ZNF341: variants seen among roughly 807,000 people sequenced by gnomAD.
The protein encoded by ZNF341 is zinc finger protein 341.
ZNF341 carries 52 observed loss-of-function variants against 87.7 expected under a neutral mutation model. The observed-to-expected ratio is 0.59, with a 90% CI of 0.47 to 0.75. ZNF341 has a LOEUF of 0.75. Ranked by LOEUF, ZNF341 falls within the 30% of genes least tolerant of loss-of-function variation. ZNF341 has a pLI of 0.00. For missense variants in ZNF341, 977 were observed against 1,145.9 expected, an observed-to-expected ratio of 0.85 and a Z score of 2.13; for synonymous variants, 459 against 472.7, an observed-to-expected ratio of 0.97 and a Z score of 0.38.
intron 11 of ZNF341, among the ~76,000 whole-genome samples, chr20:33,781,739 C>G (rs191083822): frequency 4.5e-4 from 68 of 151,350 alleles, no homozygotes; most frequent in Middle Eastern, 6.8e-3. Context: ...TACTCTGTCA[C>G]CAGGCTAGTG....
chr20:33,733,446 C>G (rs2122617478), intron 1 of ZNF341, among the ~76,000 whole-genome samples: 1 of 151,304 alleles, frequency 6.6e-6, no homozygotes, highest in African/African-American at 2.4e-5. Flanking sequence ...ACCGTGTTAG[C>G]GAGCATGGAC....
At chr20:33,747,063 C>T (rs891480752) in intron 3 of ZNF341, among the ~76,000 whole-genome samples, 7 of 151,906 alleles carry the variant, frequency 4.6e-5, no homozygotes, top group Non-Finnish European at 7.4e-5. Context: ...AGTCCTCAGC[C>T]GAAAACACGG....
In ZNF341 at chr20:33,748,936, T is replaced by C. The variant is rs1224142104; in HGVS notation, c.353T>C (p.Ile118Thr). The change falls in exon 4 of 15, where the codon ATC (isoleucine) becomes ACC (threonine). Residue 118 changes from isoleucine (I) to threonine (T), a missense_variant. Transcript: ENST00000375200. ...CCCACTGTCCAGATCTCCACATACA[T>C]CACAGTGCCCCCGTCCCCACTGATC... ...TPANRQISTY[I>T]TVPPSPLIQT... The C allele has an allele frequency of 6.2e-7, 1 of 1,613,454 alleles. No individual in the cohort carries two copies. Among genetic ancestry groups the C allele is most frequent in the Admixed American group, 1.7e-5 (1 of 59,976 alleles).
At chr20:33,777,756 A>G (rs2019658357) in intron 10 of ZNF341, among the ~76,000 whole-genome samples, 7 of 152,056 alleles carry the variant, frequency 4.6e-5, no homozygotes, top group Admixed American at 4.6e-4. Flanking sequence ...AGAGAAAAAG[A>G]AAAAAAAGGT....
chr20:33,745,098 C>T lies in ZNF341; in HGVS notation c.143-5C>T, dbSNP rs1424100643. On this transcript the variant is annotated splice_region_variant and splice_polypyrimidine_tract_variant and intron_variant, in intron 2 of 14. Transcript: ENST00000375200. ...CTTCCCACTACTCTGCGGGTATGAC[C>T]CCAGATGACGAGGATGTATTTCTCT... is the stretch of plus-strand genomic sequence containing the variant. The T allele has an allele frequency of 1.9e-6, 3 of 1,607,668 alleles. No individual in the cohort carries two copies. Among genetic ancestry groups the T allele is most frequent in the Non-Finnish European group, 2.6e-6 (3 of 1,174,694 alleles).
At chr20:33,764,622 G>A (rs1320200101) in intron 8 of ZNF341, among the ~76,000 whole-genome samples, 1 of 131,284 alleles carries the variant, frequency 7.6e-6, no homozygotes, top group African/African-American at 2.8e-5. Context: ...GCCCAGGCTG[G>A]AGTGCAGTGG....
chr20:33,769,988 T>TG lies in ZNF341; in HGVS notation c.1414-96_1414-95insG, dbSNP rs2019491378. ...GGCAGAGGGAGCAGTGGTCAGATCA[T>TG]TTACCATCAGTGTCCAAGGCCAATG... On this transcript the variant is annotated intron_variant, in intron 9 of 14. Coordinates refer to ENST00000375200, the MANE Select transcript of ZNF341 (RefSeq NM_001282933.2). 30 of 773,994 alleles carry TG rather than the reference T, an allele frequency of 3.9e-5. No individual in the cohort carries two copies. In the Middle Eastern group the frequency reaches 1.4e-3, roughly 37 times the overall value. The allele number at this position is 773,994 out of a possible 1,614,324, so 47.9% of individuals were successfully genotyped here.
At chr20:33,743,829 T>C (rs2018860734) in intron 2 of ZNF341, among the ~76,000 whole-genome samples, 1 of 152,194 alleles carries the variant, frequency 6.6e-6, no homozygotes, top group Admixed American at 6.6e-5. Flanking sequence ...TCAACAAACG[T>C]CCATTGAGAA....
chr20:33,733,335 T>G (rs1337166846), intron 1 of ZNF341, among the ~76,000 whole-genome samples: 4 of 151,722 alleles, frequency 2.6e-5, no homozygotes, highest in Non-Finnish European at 1.5e-5. Context: ...TTCTTCTGCT[T>G]CTTCTGCCTC....
intron 1 of ZNF341, among the ~76,000 whole-genome samples, chr20:33,733,736 C>G (rs1414854242): frequency 6.6e-6 from 1 of 152,178 alleles, no homozygotes; most frequent in Admixed American, 6.5e-5. Context: ...AGCCCTGTCT[C>G]CATCTAGTGG....
intron 6 of ZNF341, 30 bp downstream of exon 6, chr20:33,757,373 T>C (rs752169991): frequency 3.5e-6 from 5 of 1,449,256 alleles, no homozygotes; most frequent in African/African-American, 1.5e-5. Flanking sequence ...TGGGCATCTT[T>C]CCTCAACATT....
At position 33,783,812 on chromosome 20, in the gene ZNF341, G is replaced by A; in HGVS notation, c.1800G>A (p.Lys600=). The A allele has an allele frequency of 3.1e-6, 5 of 1,613,772 alleles. No homozygotes were observed. The highest frequency in any genetic ancestry group is 4.2e-6 in the Non-Finnish European group (5 of 1,179,830). ...GCAGGTTCAAGTGCCAAGTGTGCAA[G>A]AAGTTCTTCCGGCGGGAGCATTATC... The part of the protein sequence containing the change: ...SGGRFKCQVC[K]KFFRREHYLK... The change falls in exon 12 of 15, where the codon AAG becomes AAA. Residue 600 remains lysine, a synonymous_variant. Coordinates refer to ENST00000375200, the MANE Select transcript of ZNF341 (RefSeq NM_001282933.2).
At chr20:33,789,872 G>C (rs1404400009) in intron 14 of ZNF341, among the ~76,000 whole-genome samples, 1 of 151,328 alleles carries the variant, frequency 6.6e-6, no homozygotes, top group African/African-American at 2.4e-5. Context: ...AGGTGTGGAC[G>C]AGGTGTGGAG....
intron 10 of ZNF341, among the ~76,000 whole-genome samples, chr20:33,779,017 T>G (rs1262267178): frequency 6.6e-6 from 1 of 152,142 alleles, no homozygotes; most frequent in Non-Finnish European, 1.5e-5. Context: ...AGGCCATTCT[T>G]GCACTGCTAT....
At chr20:33,789,613 G>C (rs1279407469) in intron 14 of ZNF341, 25 bp downstream of exon 14, 2 of 1,613,338 alleles carry the variant, frequency 1.2e-6, no homozygotes, top group African/African-American at 2.7e-5. Context: ...GGCCTGCTAA[G>C]AGGGTCTGGT....
Position 33,745,310 on chromosome 20 carries a change from A to G in ZNF341, c.339+11A>G. 2 of 1,608,134 alleles carry G rather than the reference A, an allele frequency of 1.2e-6. No individual in the cohort carries two copies. Among genetic ancestry groups the G allele is most frequent in the South Asian group, 1.1e-5 (1 of 90,928 alleles). On this transcript the variant is annotated intron_variant, in intron 3 of 14. Transcript: ENST00000375200. ...CCTGCCAATCGCCAGGTATTTGTTCATTTATTCATTCAACATGTCTTTTTT... is the reference window on the plus strand; with the variant it reads ...CCTGCCAATCGCCAGGTATTTGTTCGTTTATTCATTCAACATGTCTTTTTT...
rs771425451 is a variant in ZNF341, at chr20:33,791,524, TG to T, written c.*8del. On this transcript the variant is annotated 3_prime_UTR_variant, in exon 15 of 15. Coordinates refer to ENST00000375200, the MANE Select transcript of ZNF341 (RefSeq NM_001282933.2). The stretch of plus-strand genomic sequence containing the variant: ...CATCCAGGCCTCCGAGTGACGGACC[TG>T]AGGTGTCTGTTTCCTGGGCAGGCCT... The T allele has an allele frequency of 6.5e-7, 1 of 1,537,806 alleles. No individual in the cohort carries two copies. Among genetic ancestry groups the T allele is most frequent in the South Asian group, 1.2e-5 (1 of 82,604 alleles).
chr20:33,783,995 C>T (rs1373451420), intron 12 of ZNF341, 131 bp downstream of exon 12: 4 of 838,668 alleles, frequency 4.8e-6, no homozygotes, highest in Non-Finnish European at 7.3e-6. Flanking sequence ...TTTCCCTCCA[C>T]TTCTCCATCT....
chr20:33,784,468 T>A (rs759756292), intron 12 of ZNF341, among the ~76,000 whole-genome samples: 7 of 71,832 alleles, frequency 9.7e-5, no homozygotes, highest in Non-Finnish European at 1.5e-4. Flanking sequence ...TCTGTCTCCC[T>A]CCAGCCCTCC....
Sources: allele counts gnomAD v4.1 joint callset (sites outside exome capture counted in the v4.1 genomes callset), GRCh38; gene constraint gnomAD v4.1.1; transcripts MANE v1.5; gene names NCBI Gene and HGNC (gene_info 2026-07-23, HGNC 2026-07-21).